The following PLEKHH1 variants were observed in gnomAD, a reference collection of about 807,000 sequenced individuals.
The protein encoded by PLEKHH1 is pleckstrin homology domain-containing family H member 1.
PLEKHH1 carries 104 observed loss-of-function variants against 160.0 expected under a neutral mutation model. That is an observed-to-expected ratio of 0.65 (90% CI 0.55 to 0.76). PLEKHH1 has a LOEUF of 0.76. Among genes scored for constraint, PLEKHH1 ranks in the 30% least tolerant of loss-of-function variants. The pLI is 0.00. For synonymous variants in PLEKHH1, 619 were observed against 678.4 expected, an observed-to-expected ratio of 0.91 and a Z score of 1.36; for missense variants, 1,427 against 1,724.1, an observed-to-expected ratio of 0.83 and a Z score of 3.05.
chr14:67,571,815 A>T lies in PLEKHH1; in HGVS notation c.1498A>T (p.Ser500Cys). 1 of 1,613,902 alleles carries T rather than the reference A, an allele frequency of 6.2e-7. No individual in the cohort carries two copies. Among genetic ancestry groups the T allele is most frequent in the East Asian group, 2.2e-5 (1 of 44,880 alleles). Residue 500 changes from serine to cysteine, a missense_variant, in exon 10 of 29, where the codon AGC becomes TGC. Ser to Cys is a moderately radical substitution (Grantham distance 112). Transcript: ENST00000329153. ...GTCCTCTGGGTCTGACGATGACTGCAGCTCTCAGGCGAGTTTCCGAATCTC... is the reference window on the plus strand; with the variant it reads ...GTCCTCTGGGTCTGACGATGACTGCTGCTCTCAGGCGAGTTTCCGAATCTC... The part of the protein sequence containing the change: ...DESSGSDDDC[S>C]SQASFRISVP...
In PLEKHH1 at chr14:67,572,296, G is replaced by C. The variant is rs560689997; in HGVS notation, c.1728+19G>C. On this transcript the variant is annotated intron_variant, in intron 11 of 28. Coordinates refer to ENST00000329153, the MANE Select transcript of PLEKHH1 (RefSeq NM_020715.3). ...GGGCGGGGTGAGCCGGGAAACGGGC[G>C]GGGGCAGGGTGGAAGCAGAATGCAG... The C allele has an allele frequency of 6.4e-7, 1 of 1,572,202 alleles. No homozygotes were observed.
intron 7 of PLEKHH1, among the ~76,000 whole-genome samples, chr14:67,563,701 G>A (rs920498596): frequency 1.3e-5 from 2 of 149,320 alleles, no homozygotes; most frequent in Non-Finnish European, 3.0e-5. Context: ...CCAAAGTGCT[G>A]GGATTGTAAG....
chr14:67,542,741 C>T (rs896870524), intron 2 of PLEKHH1, among the ~76,000 whole-genome samples: 1 of 151,942 alleles, frequency 6.6e-6, no homozygotes, highest in African/African-American at 2.4e-5. Flanking sequence ...GCTCTTGTTG[C>T]CCAGGCTGGA....
intron 2 of PLEKHH1, among the ~76,000 whole-genome samples, chr14:67,549,322 G>A: frequency 6.6e-6 from 1 of 151,438 alleles, no homozygotes; most frequent in Non-Finnish European, 1.5e-5. Flanking sequence ...CTAGGCTGGA[G>A]TGCAATGGTG....
chr14:67,551,837 G>T (rs1594753392), intron 2 of PLEKHH1, among the ~76,000 whole-genome samples: 1 of 152,102 alleles, frequency 6.6e-6, no homozygotes, highest in East Asian at 1.9e-4. Context: ...AGCTGGGATT[G>T]GCCACTCCAG....
rs2035723189 is a variant in PLEKHH1 at position 67,578,298 on chromosome 14, C to T, written c.2751+99C>T. 6 of 1,087,806 alleles carry T rather than the reference C, an allele frequency of 5.5e-6. No homozygotes were observed. Among genetic ancestry groups the T allele is most frequent in the Non-Finnish European group, 8.2e-6 (6 of 732,378 alleles). 67.4% of individuals were successfully genotyped at this position (1,087,806 alleles called of 1,614,324 possible). ...GTGACTGGGCAGGTATACGGTGAGC[C>T]CAGCCAGCGGGCAGCCTCTGTGCTC... On this transcript the variant is annotated intron_variant, in intron 19 of 28. Coordinates refer to ENST00000329153, the MANE Select transcript of PLEKHH1 (RefSeq NM_020715.3). This position sits in a 1 kb window ranked among gnomAD's most constrained non-coding sequence, Gnocchi z 5.0.
chr14:67,574,001 A>T lies in PLEKHH1; in HGVS notation c.1926+114A>T, dbSNP rs1000622179. ...GAGCATGAATGAAAGACTTCAGATCAACATTTGGACGTGATCCTAACTTGT... is the reference window on the plus strand; with the variant it reads ...GAGCATGAATGAAAGACTTCAGATCTACATTTGGACGTGATCCTAACTTGT... On this transcript the variant is annotated intron_variant, in intron 13 of 28. Transcript: ENST00000329153. The surrounding 1 kb of genome is among the most constrained non-coding windows in gnomAD (Gnocchi z 4.2). 38 of 802,998 alleles carry T rather than the reference A, an allele frequency of 4.7e-5. No individual in the cohort carries two copies. The highest frequency in any genetic ancestry group is 2.7e-4 in the Middle Eastern group (1 of 3,656). The allele number at this position is 802,998 out of a possible 1,614,324, so 49.7% of individuals were successfully genotyped here.
intron 5 of PLEKHH1, among the ~76,000 whole-genome samples, chr14:67,561,368 T>C (rs2034829579): frequency 1.3e-5 from 2 of 152,134 alleles, no homozygotes; most frequent in African/African-American, 4.8e-5. Flanking sequence ...CTGGCCAACA[T>C]GGCAAATCTC....
intron 3 of PLEKHH1, among the ~76,000 whole-genome samples, chr14:67,556,493 GT>G (rs1309274899): frequency 6.6e-6 from 1 of 152,060 alleles, no homozygotes; most frequent in Admixed American, 6.6e-5. Flanking sequence ...GCCCAGGCTG[GT>G]CTTGAACTCC....
chr14:67,577,454 T>TG (rs1371871795), intron 18 of PLEKHH1, 40 bp downstream of exon 18: 22 of 1,271,374 alleles, frequency 1.7e-5, no homozygotes, highest in Non-Finnish European at 2.3e-5. Flanking sequence ...CTGGGATACT[T>TG]GCAATACTTG....
At chr14:67,554,693 C>T (rs1241239869) in intron 2 of PLEKHH1, among the ~76,000 whole-genome samples, 1 of 152,184 alleles carries the variant, frequency 6.6e-6, no homozygotes. Flanking sequence ...GCACACTTCA[C>T]TTGCCAAGCC....
intron 2 of PLEKHH1, among the ~76,000 whole-genome samples, chr14:67,554,452 G>A (rs975562026): frequency 6.6e-5 from 10 of 152,156 alleles, no homozygotes; most frequent in Admixed American, 2.6e-4. Context: ...CGTGGAAGGC[G>A]TGGCTGGGAT....
At chr14:67,552,665 G>A (rs1367359192) in intron 2 of PLEKHH1, among the ~76,000 whole-genome samples, 6 of 152,014 alleles carry the variant, frequency 3.9e-5, no homozygotes, top group African/African-American at 1.4e-4. Context: ...TACTCGGGAG[G>A]CTAAGGCAGG....
chr14:67,563,187 G>T (rs1414026121), intron 7 of PLEKHH1, among the ~76,000 whole-genome samples: 2 of 152,214 alleles, frequency 1.3e-5, no homozygotes, highest in Non-Finnish European at 2.9e-5. Flanking sequence ...GAGTCTTTCA[G>T]GTGGTCTGGT....
At position 67,578,339 on chromosome 14, in the gene PLEKHH1, C is replaced by T. The variant is rs866949160; in HGVS notation, c.2751+140C>T. On this transcript the variant is annotated intron_variant, in intron 19 of 28. Coordinates refer to ENST00000329153, the MANE Select transcript of PLEKHH1 (RefSeq NM_020715.3). This position sits in a 1 kb window ranked among gnomAD's most constrained non-coding sequence, Gnocchi z 5.0. ...CTCTGTGCTCCAAGCTGCATCAGTA[C>T]GGCTGAGCTGTCTATGCACAGATGG... 17 of 804,938 alleles carry T rather than the reference C, an allele frequency of 2.1e-5. No homozygotes were observed. The highest frequency in any genetic ancestry group is 6.2e-4 in the Middle Eastern group (2 of 3,242). 49.9% of individuals were successfully genotyped at this position (804,938 alleles called of 1,614,324 possible).
chr14:67,561,923 G>A (rs780785410), intron 5 of PLEKHH1, 31 bp from the exon 6 acceptor site: 5 of 1,509,278 alleles, frequency 3.3e-6, no homozygotes, highest in Admixed American at 1.7e-5. Flanking sequence ...TAGGCTGGGT[G>A]TCCTAAATCT....
rs1438500422 is a variant in PLEKHH1 at position 67,574,404 on chromosome 14, G to A, written c.2088+1G>A. 1 of 1,557,112 alleles carries A rather than the reference G, an allele frequency of 6.4e-7. No individual in the cohort carries two copies. Among genetic ancestry groups the A allele is most frequent in the South Asian group, 1.2e-5 (1 of 82,954 alleles). ...CACCGTGAAGGGCTGGCTGACCAAG[G>A]TAGAGGGTGGGGCTGATAGGGCAGG... On this transcript the variant is annotated splice_donor_variant, in intron 14 of 28. Transcript: ENST00000329153. LOFTEE classifies it high-confidence loss of function. The surrounding 1 kb of genome is among the most constrained non-coding windows in gnomAD (Gnocchi z 4.2).
chr14:67,580,009 C>T (rs150769426), intron 22 of PLEKHH1, 133 bp downstream of exon 22: 2 of 818,298 alleles, frequency 2.4e-6, no homozygotes, highest in Non-Finnish European at 3.7e-6. Context: ...CTGCCCTAGT[C>T]AGCATTTCTG....
At chr14:67,552,766 C>CAA (rs34079106) in intron 2 of PLEKHH1, among the ~76,000 whole-genome samples, 15,454 of 141,290 alleles carry the variant, frequency 0.11, 923 homozygotes, top group East Asian at 0.2. Flanking sequence ...GACTCTGTCT[C>CAA]AAAAAAAAAA....
Sources: gnomAD v4.1 joint callset for allele counts (sites outside exome capture counted in the v4.1 genomes callset) on GRCh38, gnomAD v4.1.1 for gene constraint, Gnocchi (gnomAD v3.1) non-coding constraint, MANE v1.5 for transcripts, NCBI Gene and HGNC (gene_info 2026-07-23, HGNC 2026-07-21) for gene names.